Variants in KCTD14 observed in about 807,000 individuals in gnomAD.
KCTD14 encodes BTB/POZ domain-containing protein KCTD14.
In KCTD14, 7 loss-of-function variants were observed where a neutral mutation model predicts 5.9. The observed-to-expected ratio is 1.19, with a 90% confidence interval of 0.68 to 2.23. The LOEUF (loss-of-function observed/expected upper bound fraction) is 2.23. KCTD14 is among the 30% of genes most tolerant of loss of function. KCTD14 has a pLI of 0.00. For synonymous variants in KCTD14, 140 were observed against 133.1 expected, an observed-to-expected ratio of 1.05 and a Z score of -0.36; for missense variants, 342 against 332.2, an observed-to-expected ratio of 1.03 and a Z score of -0.23.
At chr11:78,044,510 C>G (rs1389097088) in intron 1 of KCTD14, among the ~76,000 whole-genome samples, 1 of 152,120 alleles carries the variant, frequency 6.6e-6, no homozygotes, top group Non-Finnish European at 1.5e-5. Context: ...ACTGCACAGA[C>G]AAAACCAATT....
chr11:78,040,675 T>TC (rs1200054981), intron 1 of KCTD14, among the ~76,000 whole-genome samples: 3 of 42,422 alleles, frequency 7.1e-5, no homozygotes, highest in Non-Finnish European at 1.4e-4. Context: ...TATTTTATTA[T>TC]TTTTTTTTTT....
At chr11:78,021,176 A>G (rs1186060432) in intron 1 of KCTD14, among the ~76,000 whole-genome samples, 2 of 151,568 alleles carry the variant, frequency 1.3e-5, no homozygotes, top group Admixed American at 6.6e-5. Context: ...CTGGTGGTGC[A>G]TGCCTGTAAT....
intron 1 of KCTD14, among the ~76,000 whole-genome samples, chr11:78,041,188 G>T (rs1184825839): frequency 6.6e-6 from 1 of 152,230 alleles, no homozygotes; most frequent in Non-Finnish European, 1.5e-5. Flanking sequence ...CACTGGCGCA[G>T]TGGCAGCAGG....
intron 2 of KCTD14, among the ~76,000 whole-genome samples, chr11:78,035,041 C>A (rs1002409643): frequency 6.6e-6 from 1 of 152,184 alleles, no homozygotes; most frequent in Admixed American, 6.6e-5. Flanking sequence ...ACTGATGAAG[C>A]TCTGCCTAAG....
upstream of KCTD14, among the ~76,000 whole-genome samples, chr11:78,023,920 G>A (rs1857373543): frequency 6.6e-6 from 1 of 152,090 alleles, no homozygotes; most frequent in Admixed American, 6.5e-5. Context: ...TGGCGCTCTA[G>A]GAGGTAGGGT....
At chr11:78,023,049 G>A in intron 1 of KCTD14, 111 bp downstream of exon 1, 1 of 718,322 alleles carries the variant, frequency 1.4e-6, no homozygotes, top group Non-Finnish European at 2.3e-6. Context: ...GCCAGAAGCA[G>A]GGGGCTCGGG....
Position 78,016,830 on chromosome 11 carries a change from C to A in KCTD14, c.531G>T (p.Glu177Asp). The A allele has an allele frequency of 6.2e-7, 1 of 1,614,176 alleles. No individual in the cohort carries two copies. The highest frequency in any genetic ancestry group is 1.7e-5 in the Admixed American group (1 of 60,026). ...SVLVCLVETE[E>D]QDAYYSEVLC... ...GGACCTCTGAATAATATGCATCCTG[C>A]TCCTCAGTTTCCACCAGGCACACAA... Residue 177 changes from glutamate (E) to aspartate (D), a missense_variant, in exon 2 of 2, where the codon GAG (glutamate) becomes GAT (aspartate). By Grantham distance (45) the Glu-to-Asp change is conservative. Transcript: ENST00000353172.
At chr11:78,042,421 T>C (rs968113452) in intron 1 of KCTD14, among the ~76,000 whole-genome samples, 1 of 152,018 alleles carries the variant, frequency 6.6e-6, no homozygotes, top group African/African-American at 2.4e-5. Flanking sequence ...GGCACGAGAA[T>C]TGCTTGAACC....
upstream of KCTD14, among the ~76,000 whole-genome samples, chr11:78,025,934 G>C (rs1233066452): frequency 6.6e-6 from 1 of 152,186 alleles, no homozygotes; most frequent in Non-Finnish European, 1.5e-5. Flanking sequence ...ACTCCAGCCA[G>C]GTGACCAAAA....
intron 1 of KCTD14, among the ~76,000 whole-genome samples, chr11:78,041,173 G>A (rs761346348): frequency 2.0e-5 from 3 of 152,172 alleles, no homozygotes; most frequent in Non-Finnish European, 4.4e-5. Flanking sequence ...GACTCACCAG[G>A]GCGGCACTGG....
chr11:78,030,578 G>A (rs566562428), intron 2 of KCTD14, among the ~76,000 whole-genome samples: 1 of 152,234 alleles, frequency 6.6e-6, no homozygotes, highest in South Asian at 2.1e-4. Flanking sequence ...TTTCCCTTTG[G>A]CCTGACTCCA....
chr11:78,032,987 C>G (rs538311451), intron 2 of KCTD14, among the ~76,000 whole-genome samples: 1 of 152,282 alleles, frequency 6.6e-6, no homozygotes, highest in Admixed American at 6.5e-5. Context: ...CAACCATAGT[C>G]TACTTCAAAT....
At chr11:78,018,868 T>C (rs894732753) in intron 1 of KCTD14, among the ~76,000 whole-genome samples, 3 of 152,078 alleles carry the variant, frequency 2.0e-5, no homozygotes, top group Non-Finnish European at 4.4e-5. Context: ...AAAGAAACCA[T>C]ACATGTGTTC....
intron 2 of KCTD14, among the ~76,000 whole-genome samples, chr11:78,036,746 T>C (rs78970241): frequency 0.068 from 10,341 of 152,296 alleles, 1,133 homozygotes; most frequent in African/African-American, 0.24. Flanking sequence ...CTTTGTTTAC[T>C]GAATGTCTGC....
At chr11:78,028,101 A>G (rs973100445), upstream of KCTD14, among the ~76,000 whole-genome samples, 11 of 152,086 alleles carry the variant, frequency 7.2e-5, no homozygotes, top group Admixed American at 2.6e-4. Context: ...TGAGACTTTC[A>G]TTTTTTGTTT....
upstream of KCTD14, among the ~76,000 whole-genome samples, chr11:78,024,877 G>A (rs529866908): frequency 3.3e-5 from 5 of 151,000 alleles, no homozygotes; most frequent in South Asian, 2.1e-4. Flanking sequence ...CCTAGGAGAC[G>A]GAGGTTGCAG....
chr11:78,023,361 C>T, upstream of KCTD14: 2 of 985,258 alleles, frequency 2.0e-6, no homozygotes, highest in East Asian at 2.6e-5. Flanking sequence ...TGAGACTGGG[C>T]CAAGTGCAGA....
intron 2 of KCTD14, among the ~76,000 whole-genome samples, chr11:78,035,987 C>T (rs1447513356): frequency 6.6e-6 from 1 of 151,910 alleles, no homozygotes; most frequent in African/African-American, 2.4e-5. Context: ...TGGTGAAACC[C>T]CGTCTCTACT....
chr11:78,039,763 G>T (rs568176798), intron 1 of KCTD14, among the ~76,000 whole-genome samples: 5 of 149,902 alleles, frequency 3.3e-5, no homozygotes, highest in African/African-American at 9.8e-5. Flanking sequence ...AAAAAAAAGT[G>T]TACTCATTTT....
Sources: allele counts gnomAD v4.1 joint callset (sites outside exome capture counted in the v4.1 genomes callset), GRCh38; gene constraint gnomAD v4.1.1; transcripts MANE v1.5; gene names NCBI Gene and HGNC (gene_info 2026-07-23, HGNC 2026-07-21).